STS: variants seen among roughly 807,000 people sequenced by gnomAD.
The protein encoded by STS is steroid sulfatase, also known as steryl-sulfatase.
STS carries 7 observed loss-of-function variants against 26.8 expected under a neutral mutation model. The observed-to-expected ratio is 0.26, with a 90% CI of 0.15 to 0.49. The LOEUF (loss-of-function observed/expected upper bound fraction) is 0.49. Among genes scored for constraint, STS ranks in the 20% least tolerant of loss-of-function variants. STS has a pLI of 0.98. For synonymous variants in STS, 199 were observed against 189.4 expected (o/e 1.05, Z -0.42); for missense variants, 434 against 465.6 (o/e 0.93, Z 0.63).
intron 1 of STS, among the ~76,000 whole-genome samples, chrX:7,152,262 T>C (rs1390563031): frequency 2.7e-5 from 3 of 112,406 alleles, no homozygotes; most frequent in Non-Finnish European, 5.6e-5. Context: ...AGGATTATTA[T>C]TTTAATGTAA....
At chrX:7,323,540 C>G (rs1481148531) in intron 8 of STS, among the ~76,000 whole-genome samples, 1 of 111,700 alleles carries the variant, frequency 9.0e-6, no homozygotes, top group Non-Finnish European at 1.9e-5. Flanking sequence ...CATGTTGCTA[C>G]AAAGGACAAT....
rs1016632760 is a variant in STS, at chrX:7,216,354, G to A, written c.-5+25346G>A. Among the ~76,000 whole-genome samples the A allele has an allele frequency of 1.3e-4, 14 of 111,580 alleles. No homozygotes were observed. In the Admixed American group the frequency reaches 1.3e-3, roughly 11 times the overall value. On this transcript the variant is annotated intron_variant, in intron 2 of 10. Coordinates refer to ENST00000674429, the MANE Select transcript of STS (RefSeq NM_001320752.2). ...ATAAAAATCAAACTTCAACAGGGCT[G>A]CAACTCCATTGGTCCAAAAGTCTCC...
intron 2 of STS, among the ~76,000 whole-genome samples, chrX:7,231,428 A>G (rs776046654): frequency 2.7e-5 from 3 of 112,128 alleles, no homozygotes; most frequent in Non-Finnish European, 3.8e-5. Context: ...TACCTTGTCA[A>G]TGTGTGTTCA....
At chrX:7,214,112 TATTA>T (rs1921139237) in intron 2 of STS, among the ~76,000 whole-genome samples, 1 of 111,798 alleles carries the variant, frequency 8.9e-6, no homozygotes, top group African/African-American at 3.3e-5. Context: ...TAAAAGATTG[TATTA>T]ATTGTCATCA....
chrX:7,346,699 A>G (rs935202361), intron 10 of STS, among the ~76,000 whole-genome samples: 3 of 112,232 alleles, frequency 2.7e-5, no homozygotes, highest in African/African-American at 9.7e-5. Flanking sequence ...ACATTTTTCT[A>G]GTATATGAGG....
At chrX:7,182,009 G>A (rs1470493338) in intron 1 of STS, among the ~76,000 whole-genome samples, 4 of 111,776 alleles carry the variant, frequency 3.6e-5, no homozygotes, top group African/African-American at 9.7e-5. Context: ...GGTAGGCAAA[G>A]GTGGCAGCAT....
intron 2 of STS, among the ~76,000 whole-genome samples, chrX:7,213,407 A>G (rs1458178205): frequency 9.0e-6 from 1 of 111,384 alleles, no homozygotes; most frequent in African/African-American, 3.3e-5. Context: ...TAGCTGCTGT[A>G]GTGCTGTCTC....
At chrX:7,292,250 CTT>C (rs1925457071) in intron 7 of STS, among the ~76,000 whole-genome samples, 1 of 112,587 alleles carries the variant, frequency 8.9e-6, no homozygotes, top group Non-Finnish European at 1.9e-5. Context: ...TTCTTTGTAA[CTT>C]TATCCTTGCA....
chrX:7,215,839 G>T (rs368985039), intron 2 of STS, among the ~76,000 whole-genome samples: 1 of 111,671 alleles, frequency 9.0e-6, no homozygotes, highest in Non-Finnish European at 1.9e-5. Flanking sequence ...GGGATGAGCC[G>T]TCTTCCTCCT....
intron 7 of STS, among the ~76,000 whole-genome samples, chrX:7,283,040 C>T (rs1440887882): frequency 8.9e-6 from 1 of 112,264 alleles, no homozygotes; most frequent in East Asian, 2.8e-4. Flanking sequence ...AAAACAAAAG[C>T]CCATGTTCTA....
chrX:7,212,120 T>C (rs1404238778), intron 2 of STS, among the ~76,000 whole-genome samples: 1 of 111,810 alleles, frequency 8.9e-6, no homozygotes, highest in Non-Finnish European at 1.9e-5. Context: ...AGTGATAATA[T>C]GGCTAATGGA....
At chrX:7,271,502 C>T (rs1924266822) in intron 6 of STS, among the ~76,000 whole-genome samples, 1 of 111,084 alleles carries the variant, frequency 9.0e-6, no homozygotes, top group Non-Finnish European at 1.9e-5. Context: ...TCCTCAAGGG[C>T]ATCTTCTCTT....
intron 2 of STS, among the ~76,000 whole-genome samples, chrX:7,217,070 A>G (rs1335150431): frequency 9.0e-6 from 1 of 111,047 alleles, no homozygotes; most frequent in African/African-American, 3.3e-5. Flanking sequence ...TAGGGTGCCC[A>G]TCAGTGGATG....
At chrX:7,238,729 G>A (rs1290971046) in intron 2 of STS, among the ~76,000 whole-genome samples, 1 of 97,535 alleles carries the variant, frequency 1.0e-5, no homozygotes, top group Non-Finnish European at 2.2e-5. Context: ...CTACTCAGGA[G>A]GCTAAGGCAG....
chrX:7,285,817 A>C (rs957494972), intron 7 of STS, among the ~76,000 whole-genome samples: 2 of 112,161 alleles, frequency 1.8e-5, no homozygotes, highest in Non-Finnish European at 3.8e-5. Context: ...CTACAAAAAA[A>C]ATCTGTTGCC....
intron 8 of STS, among the ~76,000 whole-genome samples, chrX:7,313,812 TCTAAATTCTA>T (rs1209870971): frequency 8.9e-6 from 1 of 112,163 alleles, no homozygotes; most frequent in Non-Finnish European, 1.9e-5. Flanking sequence ...ACAGAATGCC[TCTAAATTCTA>T]CTAGTTTTTA....
At chrX:7,327,693 A>G (rs1156297044) in intron 9 of STS, among the ~76,000 whole-genome samples, 1 of 111,175 alleles carries the variant, frequency 9.0e-6, no homozygotes, top group Non-Finnish European at 1.9e-5. Context: ...CTGAGTTCAT[A>G]TTCTTGTCAT....
intron 10 of STS, among the ~76,000 whole-genome samples, chrX:7,348,427 C>G (rs986479256): frequency 6.2e-5 from 7 of 112,180 alleles, no homozygotes; most frequent in South Asian, 7.4e-4. Context: ...GGAGGAATGC[C>G]TCTTTGGTTT....
At chrX:7,291,172 C>T in intron 7 of STS, among the ~76,000 whole-genome samples, 1 of 111,508 alleles carries the variant, frequency 9.0e-6, no homozygotes, top group Non-Finnish European at 1.9e-5. Flanking sequence ...TCTGAAGAGT[C>T]ACTTCTCCAA....
Sources: gnomAD v4.1 joint callset for allele counts (sites outside exome capture counted in the v4.1 genomes callset) on GRCh38, gnomAD v4.1.1 for gene constraint, MANE v1.5 for transcripts, NCBI Gene and HGNC (gene_info 2026-07-23, HGNC 2026-07-21) for gene names.